The following LRRK2 variants were observed in gnomAD, a reference collection of about 807,000 sequenced individuals.
LRRK2 encodes the protein leucine rich repeat kinase 2.
LRRK2 carries 203 observed loss-of-function variants against 302.6 expected under a neutral mutation model. The observed-to-expected ratio is 0.67, with a 90% confidence interval of 0.60 to 0.75. The LOEUF is 0.75. Ranked by LOEUF, LRRK2 falls within the 30% of genes least tolerant of loss-of-function variation. The pLI, the probability that LRRK2 is intolerant of heterozygous loss-of-function variation, is 0.00. For synonymous variants in LRRK2, 1,066 were observed against 1,031.9 expected (o/e 1.03, Z -0.63); for missense variants, 2,830 against 2,951.0 (o/e 0.96, Z 0.95).
intron 13 of LRRK2, among the ~76,000 whole-genome samples, chr12:40,263,558 A>G (rs1336961905): frequency 6.6e-6 from 1 of 152,194 alleles, no homozygotes; most frequent in Non-Finnish European, 1.5e-5. Context: ...TTGCTACTTC[A>G]AATTCAGTAA....
In LRRK2 at chr12:40,348,497, T is replaced by C. The variant is rs1485624477; in HGVS notation, c.6369T>C (p.Pro2123=). ...TGAAAGAAAATCCTCAAGAAAGGCCTACTTCTGCCCAGGTATTCTTAAAGT... is the reference window on the plus strand; with the variant it reads ...TGAAAGAAAATCCTCAAGAAAGGCCCACTTCTGCCCAGGTATTCTTAAAGT... ...QCLKENPQER[P]TSAQVFDILN... is the part of the protein sequence containing the mutation. Residue 2123 remains proline, a synonymous_variant, in exon 43 of 51, where the codon CCT becomes CCC. Transcript: ENST00000298910. 1 of 1,608,868 alleles carries C rather than the reference T, an allele frequency of 6.2e-7. No homozygotes were observed. Among genetic ancestry groups the C allele is most frequent in the South Asian group, 1.1e-5 (1 of 90,930 alleles).
chr12:40,255,557 A>T (rs952280393), intron 11 of LRRK2, among the ~76,000 whole-genome samples: 2 of 152,200 alleles, frequency 1.3e-5, no homozygotes, highest in Non-Finnish European at 2.9e-5. Flanking sequence ...AGTGATTCTT[A>T]AAGTGTGGTT....
intron 28 of LRRK2, among the ~76,000 whole-genome samples, chr12:40,306,666 A>G (rs1193205173): frequency 6.6e-6 from 1 of 152,178 alleles, no homozygotes; most frequent in Non-Finnish European, 1.5e-5. Flanking sequence ...AATATCCACC[A>G]AGGCAGAGAC....
At chr12:40,258,174 A>G (rs1307604925) in intron 12 of LRRK2, among the ~76,000 whole-genome samples, 1 of 152,204 alleles carries the variant, frequency 6.6e-6, no homozygotes, top group Non-Finnish European at 1.5e-5. Flanking sequence ...GGATTAGGAT[A>G]ATGCCTGCTG....
At chr12:40,270,509 T>A (rs1177271269) in intron 14 of LRRK2, among the ~76,000 whole-genome samples, 1 of 152,088 alleles carries the variant, frequency 6.6e-6, no homozygotes, top group Non-Finnish European at 1.5e-5. Context: ...TTTGGACTCC[T>A]AAAAAAAGTT....
At chr12:40,251,565 A>G (rs1196610825) in intron 10 of LRRK2, 21 bp downstream of exon 10, 4 of 1,570,984 alleles carry the variant, frequency 2.5e-6, no homozygotes, top group African/African-American at 1.4e-5. Flanking sequence ...TTGATTTTAT[A>G]TGATAGAAAA....
intron 11 of LRRK2, among the ~76,000 whole-genome samples, chr12:40,255,306 G>C (rs1382837914): frequency 6.6e-6 from 1 of 152,190 alleles, no homozygotes; most frequent in African/African-American, 2.4e-5. Context: ...TAGGCAGCCA[G>C]GAAAGAAGGT....
intron 7 of LRRK2, among the ~76,000 whole-genome samples, chr12:40,248,891 G>A (rs1942130105): frequency 6.6e-6 from 1 of 152,176 alleles, no homozygotes; most frequent in Non-Finnish European, 1.5e-5. Flanking sequence ...TGATCACTAA[G>A]GGCTGTGGAG....
At chr12:40,297,823 A>G (rs1303879585) in intron 23 of LRRK2, among the ~76,000 whole-genome samples, 2 of 152,174 alleles carry the variant, frequency 1.3e-5, no homozygotes, top group Admixed American at 6.5e-5. Flanking sequence ...AACTATTTTT[A>G]TAGTTAAATC....
intron 26 of LRRK2, 41 bp from the exon 27 acceptor site, chr12:40,303,907 A>T (rs1944714233): frequency 6.3e-7 from 1 of 1,584,918 alleles, no homozygotes; most frequent in Non-Finnish European, 8.7e-7. Flanking sequence ...GTATTTTGGA[A>T]ATACTCATTT....
At chr12:40,352,530 A>G (rs1252822090) in intron 44 of LRRK2, among the ~76,000 whole-genome samples, 1 of 138,916 alleles carries the variant, frequency 7.2e-6, no homozygotes, top group Non-Finnish European at 1.5e-5. Flanking sequence ...GCAGGGTCAT[A>G]GGACAATAAT....
intron 26 of LRRK2, 109 bp from the exon 27 acceptor site, chr12:40,303,839 G>A (rs1008351843): frequency 1.9e-6 from 2 of 1,027,354 alleles, no homozygotes; most frequent in Admixed American, 1.9e-5. Flanking sequence ...AATAATGCTA[G>A]TTTTGACGTT....
At chr12:40,235,265 G>A (rs1338170962) in intron 3 of LRRK2, among the ~76,000 whole-genome samples, 2 of 152,068 alleles carry the variant, frequency 1.3e-5, no homozygotes, top group African/African-American at 4.8e-5. Context: ...GAACCCAGAA[G>A]TTTAGACCAG....
At chr12:40,259,183 G>C (rs995581421) in intron 12 of LRRK2, among the ~76,000 whole-genome samples, 1 of 152,078 alleles carries the variant, frequency 6.6e-6, no homozygotes, top group African/African-American at 2.4e-5. Flanking sequence ...TGTAGAAAAT[G>C]GGGATAATAA....
intron 13 of LRRK2, among the ~76,000 whole-genome samples, chr12:40,259,923 T>G (rs999275367): frequency 6.6e-6 from 1 of 152,162 alleles, no homozygotes; most frequent in African/African-American, 2.4e-5. Context: ...GAGTTCAAGC[T>G]TTTTTTCTCT....
At chr12:40,249,976 A>G (rs1158343627) in intron 8 of LRRK2, 31 bp downstream of exon 8, 6 of 1,611,896 alleles carry the variant, frequency 3.7e-6, no homozygotes, top group African/African-American at 1.3e-5. Context: ...GGGGATTCTT[A>G]CAGAGGCATT....
chr12:40,310,245 A>G (rs142883533), intron 30 of LRRK2, among the ~76,000 whole-genome samples, 186 bp from the exon 31 acceptor site: 169 of 152,222 alleles, frequency 1.1e-3, no homozygotes, highest in African/African-American at 3.9e-3. Context: ...ACTTTTTAAA[A>G]TGTCGTAAGG....
At chr12:40,292,149 G>A (rs1944182900) in intron 20 of LRRK2, among the ~76,000 whole-genome samples, 1 of 151,970 alleles carries the variant, frequency 6.6e-6, no homozygotes, top group African/African-American at 2.4e-5. Context: ...GGAAAGCCAT[G>A]AGACTGTTTA....
intron 14 of LRRK2, among the ~76,000 whole-genome samples, chr12:40,274,089 G>A (rs1592202187): frequency 1.3e-5 from 2 of 152,124 alleles, no homozygotes; most frequent in East Asian, 3.8e-4. Context: ...AAGCTGTTGA[G>A]GGGATAAATG....
Sources: gnomAD v4.1 joint callset for allele counts (sites outside exome capture counted in the v4.1 genomes callset) on GRCh38, gnomAD v4.1.1 for gene constraint, MANE v1.5 for transcripts, NCBI Gene and HGNC (gene_info 2026-07-23, HGNC 2026-07-21) for gene names.